Variants in ANK2 observed in about 807,000 individuals in gnomAD.
ANK2 encodes ankyrin 2, also known as ankyrin-2.
ANK2 carries 83 observed loss-of-function variants against 360.5 expected under a neutral mutation model. That is an observed-to-expected ratio of 0.23 (90% CI 0.19 to 0.28). ANK2 has a LOEUF of 0.28. ANK2 is among the 10% of genes least tolerant of loss of function. The pLI is 1.00. For synonymous variants in ANK2, 1,740 were observed against 1,759.5 expected (o/e 0.99, Z 0.28); for missense variants, 4,201 against 4,795.7 (o/e 0.88, Z 3.66).
At chr4:112,905,205 G>A (rs1209810973) in intron 2 of ANK2, among the ~76,000 whole-genome samples, 1 of 152,070 alleles carries the variant, frequency 6.6e-6, no homozygotes, top group African/African-American at 2.4e-5. Flanking sequence ...ATCTCATTTG[G>A]TTACAGAGGA....
At position 113,190,619 on chromosome 4, in the gene ANK2, A is replaced by G. The variant is rs139574708; in HGVS notation, c.187-5749A>G. ...GGTCTAAAGAAAATAAAATAGGATTATGATGCAGAGGCCATTGGTTTTTGT... is the reference window on the plus strand; with the variant it reads ...GGTCTAAAGAAAATAAAATAGGATTGTGATGCAGAGGCCATTGGTTTTTGT... On this transcript the variant is annotated intron_variant, in intron 2 of 45. Coordinates refer to ENST00000357077, the MANE Select transcript of ANK2 (RefSeq NM_001148.6). 2.2e-3 allele frequency among the ~76,000 whole-genome samples: 331 copies of G among 152,280 alleles called. 3 individuals carry two copies. The highest frequency in any genetic ancestry group is 3.7e-3 in the Non-Finnish European group (249 of 68,028).
intron 1 of ANK2, among the ~76,000 whole-genome samples, chr4:113,173,015 A>G (rs2098044577): frequency 6.6e-6 from 1 of 152,236 alleles, no homozygotes; most frequent in Non-Finnish European, 1.5e-5. Flanking sequence ...AAGGATGAAG[A>G]GTGAAGAACA....
chr4:112,776,058 T>C, the ANK2 span, among the ~76,000 whole-genome samples: 531 of 152,126 alleles, frequency 3.5e-3, 3 homozygotes, highest in Admixed American at 7.2e-3. Context: ...CTAGGGAACG[T>C]GTAGTGAGAG....
At chr4:113,202,472 C>T (rs1252952520) in intron 4 of ANK2, among the ~76,000 whole-genome samples, 1 of 152,188 alleles carries the variant, frequency 6.6e-6, no homozygotes, top group African/African-American at 2.4e-5. Flanking sequence ...TCAAGTGATA[C>T]CTTCTTCCAC....
intron 2 of ANK2, among the ~76,000 whole-genome samples, chr4:112,939,440 G>T (rs1310290841): frequency 6.6e-6 from 1 of 151,930 alleles, no homozygotes; most frequent in Non-Finnish European, 1.5e-5. Context: ...CTCCCAAGTA[G>T]CTGGGATTAC....
chr4:112,947,246 C>T (rs920743067), intron 2 of ANK2, among the ~76,000 whole-genome samples: 1 of 152,116 alleles, frequency 6.6e-6, no homozygotes. Flanking sequence ...TTTTATGTCG[C>T]TCATTAAGAG....
intron 26 of ANK2, among the ~76,000 whole-genome samples, chr4:113,318,911 C>G (rs990698077): frequency 6.6e-6 from 1 of 152,182 alleles, no homozygotes; most frequent in Admixed American, 6.5e-5. Context: ...GGCCTTCCTA[C>G]TATTCACGTA....
chr4:113,119,528 A>G (rs2095190411), intron 1 of ANK2, among the ~76,000 whole-genome samples: 1 of 152,164 alleles, frequency 6.6e-6, no homozygotes, highest in South Asian at 2.1e-4. Flanking sequence ...AAATGAAAAA[A>G]AAATGGTAGC....
intron 2 of ANK2, among the ~76,000 whole-genome samples, chr4:112,969,777 G>C (rs1031017676): frequency 6.6e-6 from 1 of 152,100 alleles, no homozygotes; most frequent in Non-Finnish European, 1.5e-5. Flanking sequence ...GGTAGATATG[G>C]ATAACAGTTA....
At chr4:112,805,303 TAAGC>T in the ANK2 span, among the ~76,000 whole-genome samples, 1 of 151,554 alleles carries the variant, frequency 6.6e-6, no homozygotes, top group East Asian at 1.9e-4. Flanking sequence ...TTTTAAAACT[TAAGC>T]TTCATACATT....
At chr4:112,720,029 T>C in the ANK2 span, among the ~76,000 whole-genome samples, 2 of 152,188 alleles carry the variant, frequency 1.3e-5, no homozygotes, top group African/African-American at 2.4e-5. Flanking sequence ...GCTGTACTTA[T>C]TATCATGACT....
chr4:112,710,451 T>C, the ANK2 span, among the ~76,000 whole-genome samples: 4 of 152,014 alleles, frequency 2.6e-5, no homozygotes, highest in African/African-American at 9.7e-5. Flanking sequence ...ATCTCAGCAC[T>C]TTGAGAGACT....
At chr4:113,181,750 A>G (rs939821064) in intron 2 of ANK2, among the ~76,000 whole-genome samples, 5 of 152,198 alleles carry the variant, frequency 3.3e-5, no homozygotes, top group African/African-American at 9.6e-5. Flanking sequence ...AGAACCGCAC[A>G]GAAGGAGCAT....
intron 1 of ANK2, among the ~76,000 whole-genome samples, chr4:112,858,231 A>G (rs919116814): frequency 6.6e-6 from 1 of 151,684 alleles, no homozygotes. Flanking sequence ...GTAAGTGACA[A>G]TATTACTGAC....
chr4:113,219,221 G>A (rs1475319735), intron 4 of ANK2, among the ~76,000 whole-genome samples: 1 of 151,838 alleles, frequency 6.6e-6, no homozygotes, highest in Non-Finnish European at 1.5e-5. Context: ...GTTTCTTTAA[G>A]GAAATCTACC....
chr4:113,089,464 T>A (rs904064966), intron 1 of ANK2, among the ~76,000 whole-genome samples: 1 of 152,200 alleles, frequency 6.6e-6, no homozygotes, highest in Non-Finnish European at 1.5e-5. Context: ...CCCTTTATAA[T>A]CTAAGATGTT....
intron 4 of ANK2, among the ~76,000 whole-genome samples, chr4:113,207,301 C>T (rs987760400): frequency 2.0e-5 from 3 of 152,124 alleles, no homozygotes; most frequent in Non-Finnish European, 4.4e-5. Context: ...AATGAATAAT[C>T]GAAGACATCA....
intron 4 of ANK2, among the ~76,000 whole-genome samples, chr4:113,216,823 A>G (rs888611485): frequency 1.3e-5 from 2 of 152,140 alleles, no homozygotes; most frequent in Non-Finnish European, 2.9e-5. Flanking sequence ...TTGGGGCCCA[A>G]TTTGTAGCTT....
intron 1 of ANK2, among the ~76,000 whole-genome samples, chr4:112,863,825 A>G (rs1294205589): frequency 1.3e-5 from 2 of 152,016 alleles, no homozygotes; most frequent in African/African-American, 2.4e-5. Context: ...CCCGGCCTAG[A>G]GTGTCTTTAT....
Sources: allele counts gnomAD v4.1 joint callset (sites outside exome capture counted in the v4.1 genomes callset), GRCh38; gene constraint gnomAD v4.1.1; transcripts MANE v1.5; gene names NCBI Gene and HGNC (gene_info 2026-07-23, HGNC 2026-07-21).